SPAG16: variants seen among roughly 807,000 people sequenced by gnomAD.
SPAG16 encodes sperm associated antigen 16, also known as sperm-associated antigen 16 protein.
In SPAG16, 86 loss-of-function variants were observed where a neutral mutation model predicts 80.4. That is an observed-to-expected ratio of 1.07 (90% CI 0.90 to 1.28). SPAG16 has a LOEUF of 1.28. Among genes scored for constraint, SPAG16 ranks in the 50% most tolerant of loss-of-function variants. The probability of loss-of-function intolerance (pLI) is 0.00; values close to 1 mark genes in which losing one functional copy is unlikely to be tolerated. For synonymous variants in SPAG16, 294 were observed against 265.9 expected, an observed-to-expected ratio of 1.11 and a Z score of -1.03; for missense variants, 870 against 765.3, an observed-to-expected ratio of 1.14 and a Z score of -1.61.
In SPAG16 at chr2:213,608,771, C is replaced by T. The variant is rs60939945; in HGVS notation, c.1070+118681C>T. Among the ~76,000 whole-genome samples the T allele has an allele frequency of 2.6e-3, 389 of 152,332 alleles. 4 individuals are homozygous for T. The highest frequency in any genetic ancestry group is 8.6e-3 in the African/African-American group (356 of 41,566). On this transcript the variant is annotated intron_variant, in intron 10 of 15. Transcript: ENST00000331683. The stretch of plus-strand genomic sequence containing the variant: ...CGGGATCTCGGCTCACTGCCAACTC[C>T]GCCTCCTGCGTTCACGCCATTCTCC...
At chr2:213,910,872 T>A (rs577272247) in intron 11 of SPAG16, among the ~76,000 whole-genome samples, 68 of 152,252 alleles carry the variant, frequency 4.5e-4, no homozygotes, top group Non-Finnish European at 7.6e-4. Flanking sequence ...ATAAAGACAG[T>A]AAGTTTCAGA....
chr2:213,465,662 G>A (rs1306309322), intron 9 of SPAG16, among the ~76,000 whole-genome samples: 5 of 152,292 alleles, frequency 3.3e-5, no homozygotes, highest in Middle Eastern at 3.4e-3. Flanking sequence ...GCCAGGTTTT[G>A]TGGGGTATAA....
intron 10 of SPAG16, among the ~76,000 whole-genome samples, chr2:213,500,254 T>C (rs961463418): frequency 1.3e-5 from 2 of 152,158 alleles, no homozygotes; most frequent in Admixed American, 1.3e-4. Flanking sequence ...GACTTTTCAA[T>C]TGATGAAGAG....
At chr2:213,916,732 A>G (rs2077989973) in intron 11 of SPAG16, among the ~76,000 whole-genome samples, 1 of 152,170 alleles carries the variant, frequency 6.6e-6, no homozygotes, top group African/African-American at 2.4e-5. Flanking sequence ...GCCAAACCAT[A>G]TCATATAGGT....
chr2:213,817,161 A>C (rs1478941470), intron 10 of SPAG16, among the ~76,000 whole-genome samples: 2 of 149,940 alleles, frequency 1.3e-5, no homozygotes. Context: ...AGTACATATA[A>C]TAGTTTTTAT....
intron 1 of SPAG16, among the ~76,000 whole-genome samples, chr2:213,287,548 T>C (rs924227049): frequency 6.6e-6 from 1 of 152,188 alleles, no homozygotes; most frequent in Admixed American, 6.5e-5. Flanking sequence ...CATACCTCCC[T>C]CAATATGGAC....
intron 3 of SPAG16, among the ~76,000 whole-genome samples, chr2:213,307,013 C>G (rs2062966868): frequency 6.6e-6 from 1 of 152,158 alleles, no homozygotes; most frequent in African/African-American, 2.4e-5. Flanking sequence ...TCAGAGGTGT[C>G]TATTCAGCCA....
intron 13 of SPAG16, among the ~76,000 whole-genome samples, chr2:214,082,565 A>G (rs760509621): frequency 1.3e-5 from 2 of 152,088 alleles, no homozygotes; most frequent in Non-Finnish European, 2.9e-5. Context: ...GGACAGCATG[A>G]CCCATTCATC....
At chr2:213,366,498 G>C (rs2066298166) in intron 8 of SPAG16, among the ~76,000 whole-genome samples, 1 of 152,140 alleles carries the variant, frequency 6.6e-6, no homozygotes, top group Non-Finnish European at 1.5e-5. Flanking sequence ...GGCAAAGGAG[G>C]AGCAAAGGCA....
intron 13 of SPAG16, among the ~76,000 whole-genome samples, chr2:214,061,675 C>A (rs1160569344): frequency 1.3e-5 from 2 of 149,824 alleles, no homozygotes. Flanking sequence ...AATATACCTT[C>A]ATAGAAACAT....
At position 213,980,712 on chromosome 2, in the gene SPAG16, G is replaced by GTGTGTA. The variant is rs1469351640; in HGVS notation, c.1401-33238_1401-33237insGTGTAT. The stretch of plus-strand genomic sequence containing the variant: ...ATAGAATATATGTGTGTGTGTGTGT[G>GTGTGTA]TATATATATATATAGAGAGAGAGAG... On this transcript the variant is annotated intron_variant, in intron 12 of 15. Coordinates refer to ENST00000331683, the MANE Select transcript of SPAG16 (RefSeq NM_024532.5). 1.2e-3 allele frequency among the ~76,000 whole-genome samples: 135 copies of GTGTGTA among 113,984 alleles called. 3 individuals carry two copies. Among genetic ancestry groups the GTGTGTA allele is most frequent in the African/African-American group, 4.8e-3 (125 of 26,114 alleles). The allele number at this position is 113,984 out of a possible 152,430, so 74.8% of individuals were successfully genotyped here.
intron 13 of SPAG16, among the ~76,000 whole-genome samples, chr2:214,102,656 G>A (rs2053128401): frequency 6.6e-6 from 1 of 152,088 alleles, no homozygotes; most frequent in Non-Finnish European, 1.5e-5. Flanking sequence ...GTCTGTGTTA[G>A]CAGTGGAAGA....
chr2:213,579,077 T>C (rs916100719), intron 10 of SPAG16, among the ~76,000 whole-genome samples: 4 of 152,106 alleles, frequency 2.6e-5, no homozygotes, highest in African/African-American at 9.7e-5. Flanking sequence ...CTTCAAGTTA[T>C]TTTTAATATA....
intron 10 of SPAG16, among the ~76,000 whole-genome samples, chr2:213,572,083 C>T (rs2059931599): frequency 8.5e-6 from 1 of 117,622 alleles, no homozygotes; most frequent in Admixed American, 8.5e-5. Flanking sequence ...TGGTTTTCAG[C>T]TCCATCAGCT....
In SPAG16 at chr2:213,284,611, A is replaced by G. The variant is rs1259723674; in HGVS notation, c.128A>G (p.Tyr43Cys). 1.9e-6 allele frequency: 3 copies of G among 1,609,362 alleles called. No individual in the cohort carries two copies. Among genetic ancestry groups the G allele is most frequent in the African/African-American group, 1.3e-5 (1 of 75,004 alleles). ...ADAVAAEGAY[Y>C]LEQVTITEAS... ...GCGGTGGCGGCTGAGGGCGCCTACT[A>G]CCTGGAACGTATCCTTCCCGTGGAG... The change falls in exon 1 of 16, where the codon TAC (tyrosine) becomes TGC (cysteine). Residue 43 changes from tyrosine to cysteine, a missense_variant. Coordinates refer to ENST00000331683, the MANE Select transcript of SPAG16 (RefSeq NM_024532.5).
At chr2:213,992,769 C>T (rs115256830) in intron 12 of SPAG16, among the ~76,000 whole-genome samples, 3,762 of 152,080 alleles carry the variant, frequency 0.025, 150 homozygotes, top group African/African-American at 0.086. Context: ...ATGCATCAGT[C>T]GATATTTCTA....
At chr2:213,373,335 A>G (rs1431838606) in intron 8 of SPAG16, among the ~76,000 whole-genome samples, 1 of 152,164 alleles carries the variant, frequency 6.6e-6, no homozygotes, top group Non-Finnish European at 1.5e-5. Context: ...AGTGGAAATC[A>G]TATTTATTCT....
chr2:214,162,870 C>A (rs191459509), intron 15 of SPAG16, among the ~76,000 whole-genome samples: 8 of 152,178 alleles, frequency 5.3e-5, no homozygotes, highest in African/African-American at 1.9e-4. Flanking sequence ...AGAACATGAT[C>A]TGCATTAAGT....
intron 10 of SPAG16, among the ~76,000 whole-genome samples, chr2:213,675,033 C>T (rs1479216825): frequency 1.3e-5 from 2 of 150,430 alleles, no homozygotes; most frequent in East Asian, 1.9e-4. Context: ...TCTCCACATC[C>T]TCTCCAGCAC....
Sources: allele counts gnomAD v4.1 joint callset (sites outside exome capture counted in the v4.1 genomes callset), GRCh38; gene constraint gnomAD v4.1.1; transcripts MANE v1.5; gene names NCBI Gene and HGNC (gene_info 2026-07-23, HGNC 2026-07-21).